Variants in SCAMP1 observed in about 807,000 individuals in gnomAD.
The protein encoded by SCAMP1 is secretory carrier-associated membrane protein 1.
Under a neutral mutation model 41.8 loss-of-function variants are expected in SCAMP1, and 15 were observed. The ratio of observed to expected loss-of-function variants is 0.36; its 90% CI spans 0.24 to 0.55. SCAMP1 has a LOEUF of 0.55. Ranked by LOEUF, SCAMP1 falls within the 20% of genes least tolerant of loss-of-function variation. SCAMP1 has a pLI of 0.86. For synonymous variants in SCAMP1, 135 were observed against 136.8 expected (o/e 0.99, Z 0.09); for missense variants, 341 against 412.6 (o/e 0.83, Z 1.50).
rs965169477 is a variant in SCAMP1 at position 78,410,962 on chromosome 5, A to G, written c.136-4558A>G. ...GTCTTCTTTTGACAAGTGTCTGTTC[A>G]TGTCCTTTGCCTGCTTTTTAATGGC... On this transcript the variant is annotated intron_variant, in intron 2 of 8. Transcript: ENST00000621999. Among the ~76,000 whole-genome samples, 3 of 151,994 alleles carry G rather than the reference A, an allele frequency of 2.0e-5. No individual in the cohort carries two copies. In the South Asian group the frequency reaches 6.2e-4, roughly 31 times the overall value.
At chr5:78,473,722 G>C (rs950703342) in intron 8 of SCAMP1, among the ~76,000 whole-genome samples, 4 of 152,108 alleles carry the variant, frequency 2.6e-5, no homozygotes, top group African/African-American at 9.7e-5. Context: ...GTGAGAACAT[G>C]TGATATTTGG....
rs1198491568 is a variant in SCAMP1 at position 78,480,450 on chromosome 5, G to A, written c.*4782G>A. 6.6e-6 allele frequency among the ~76,000 whole-genome samples: 1 copy of A among 152,200 alleles called. No homozygotes were observed. Among genetic ancestry groups the A allele is most frequent in the African/African-American group, 2.4e-5 (1 of 41,436 alleles). On this transcript the variant is annotated 3_prime_UTR_variant, in exon 9 of 9. Coordinates refer to ENST00000621999, the MANE Select transcript of SCAMP1 (RefSeq NM_004866.6). The stretch of plus-strand genomic sequence containing the variant: ...ACAACTTTTAATATTTTGTATGCCA[G>A]TGATTCTCAAGATAAATCATGATTG...
intron 2 of SCAMP1, among the ~76,000 whole-genome samples, chr5:78,401,144 T>C (rs1331920519): frequency 6.6e-6 from 1 of 152,212 alleles, no homozygotes; most frequent in Non-Finnish European, 1.5e-5. Context: ...ATTACATTAA[T>C]TGAATTTTGA....
Position 78,449,788 on chromosome 5 carries a change from G to A in SCAMP1, c.633-145G>A, listed in dbSNP as rs186802659. 140 of 534,756 alleles carry A rather than the reference G, an allele frequency of 2.6e-4. 2 individuals are homozygous for A. The African/African-American group carries it at 2.6e-3, about 10-fold the overall frequency. The allele number at this position is 534,756 out of a possible 1,614,324, so 33.1% of individuals were successfully genotyped here. ...ATGTTGTTAACTTGAGGCCTCAGGTGGTTGCCACTTTTTTTTGTTTGTGCT... is the reference window on the plus strand; with the variant it reads ...ATGTTGTTAACTTGAGGCCTCAGGTAGTTGCCACTTTTTTTTGTTTGTGCT... On this transcript the variant is annotated intron_variant, in intron 6 of 8. Transcript: ENST00000621999.
At chr5:78,388,718 T>G in intron 1 of SCAMP1, 119 bp from the exon 2 acceptor site, 1 of 488,560 alleles carries the variant, frequency 2.0e-6, no homozygotes, top group Non-Finnish European at 3.7e-6. Flanking sequence ...TTCTTTTATT[T>G]TCCTCTGTTA....
At chr5:78,447,099 G>T (rs769693427) in intron 6 of SCAMP1, among the ~76,000 whole-genome samples, 2 of 152,224 alleles carry the variant, frequency 1.3e-5, no homozygotes, top group Non-Finnish European at 2.9e-5. Flanking sequence ...TAGGTTGCAT[G>T]CTCCTTATGA....
At chr5:78,388,047 C>G (rs1475342395) in intron 1 of SCAMP1, among the ~76,000 whole-genome samples, 1 of 152,186 alleles carries the variant, frequency 6.6e-6, no homozygotes, top group Non-Finnish European at 1.5e-5. Flanking sequence ...TCCCAGGAAC[C>G]TGCAGCAGCA....
intron 1 of SCAMP1, among the ~76,000 whole-genome samples, chr5:78,362,734 TC>T (rs1307237552): frequency 6.6e-6 from 1 of 152,132 alleles, no homozygotes; most frequent in African/African-American, 2.4e-5. Flanking sequence ...CACCTGCCCC[TC>T]CTCCTCACAA....
intron 2 of SCAMP1, among the ~76,000 whole-genome samples, chr5:78,404,435 C>G (rs1751879334): frequency 7.1e-6 from 1 of 140,636 alleles, no homozygotes; most frequent in Non-Finnish European, 1.5e-5. Flanking sequence ...GTGTGAGCCA[C>G]TGTGCCCAGC....
At position 78,480,683 on chromosome 5, in the gene SCAMP1, A is replaced by G. The variant is rs1754120377; in HGVS notation, c.*5015A>G. 6.6e-6 allele frequency among the ~76,000 whole-genome samples: 1 copy of G among 152,208 alleles called. No homozygotes were observed. Among genetic ancestry groups the G allele is most frequent in the African/African-American group, 2.4e-5 (1 of 41,452 alleles). On this transcript the variant is annotated 3_prime_UTR_variant, in exon 9 of 9. Coordinates refer to ENST00000621999, the MANE Select transcript of SCAMP1 (RefSeq NM_004866.6). The stretch of plus-strand genomic sequence containing the variant: ...GCAATACATAATGTGTTGTAGAACA[A>G]TTAAAAATTCAGAAAGTGATACATG...
At chr5:78,459,125 T>A in intron 7 of SCAMP1, 120 bp from the exon 8 acceptor site, 1 of 666,350 alleles carries the variant, frequency 1.5e-6, no homozygotes, top group South Asian at 1.7e-5. Context: ...AATGCACTAA[T>A]ACACATAAAG....
intron 3 of SCAMP1, among the ~76,000 whole-genome samples, 186 bp from the exon 4 acceptor site, chr5:78,416,355 A>G (rs990059213): frequency 2.6e-5 from 4 of 152,212 alleles, no homozygotes; most frequent in South Asian, 2.1e-4. Context: ...TCTGGAACCC[A>G]AAGACCAAAT....
chr5:78,422,533 G>A (rs1181307452), intron 6 of SCAMP1, among the ~76,000 whole-genome samples: 2 of 152,008 alleles, frequency 1.3e-5, no homozygotes, highest in East Asian at 3.9e-4. Context: ...CATTTCCTTA[G>A]CGCATGTTCT....
rs114021913 is a variant in SCAMP1 at position 78,449,572 on chromosome 5, C to T, written c.633-361C>T. On this transcript the variant is annotated intron_variant, in intron 6 of 8. Coordinates refer to ENST00000621999, the MANE Select transcript of SCAMP1 (RefSeq NM_004866.6). ...ATAAATATGTCAAAAATTATTAAAG[C>T]GATATTTTAAATATTTGCAATTCAT... Among the ~76,000 whole-genome samples the T allele has an allele frequency of 4.1e-3, 621 of 152,074 alleles. 4 individuals are homozygous for T. Among genetic ancestry groups the T allele is most frequent in the Admixed American group, 0.011 (174 of 15,270 alleles).
At chr5:78,437,544 T>C (rs577296910) in intron 6 of SCAMP1, among the ~76,000 whole-genome samples, 2 of 152,368 alleles carry the variant, frequency 1.3e-5, no homozygotes, top group South Asian at 4.1e-4. Flanking sequence ...GAACCAGCCT[T>C]GCATCCCAGG....
chr5:78,370,349 A>C (rs746236956), intron 1 of SCAMP1, among the ~76,000 whole-genome samples: 1 of 152,206 alleles, frequency 6.6e-6, no homozygotes, highest in Non-Finnish European at 1.5e-5. Context: ...GGTGACATGG[A>C]GTTTGGTTAG....
At chr5:78,379,893 T>G (rs143275000) in intron 1 of SCAMP1, among the ~76,000 whole-genome samples, 2 of 152,374 alleles carry the variant, frequency 1.3e-5, no homozygotes, top group African/African-American at 2.4e-5. Flanking sequence ...GAGTTAATTT[T>G]GTTTTGTAAT....
chr5:78,480,230 A>G lies in SCAMP1; in HGVS notation c.*4562A>G, dbSNP rs968736530. ...ATGGTGTAGCTGAAACCCTCCTAACACTAAAAGCCATTTAATCTTTTCTGT... is the reference window on the plus strand; with the variant it reads ...ATGGTGTAGCTGAAACCCTCCTAACGCTAAAAGCCATTTAATCTTTTCTGT... On this transcript the variant is annotated 3_prime_UTR_variant, in exon 9 of 9. Transcript: ENST00000621999. Among the ~76,000 whole-genome samples the G allele has an allele frequency of 1.3e-5, 2 of 152,110 alleles. No homozygotes were observed. The highest frequency in any genetic ancestry group is 4.8e-5 in the African/African-American group (2 of 41,404).
chr5:78,437,543 T>C (rs1752791252), intron 6 of SCAMP1, among the ~76,000 whole-genome samples: 1 of 152,240 alleles, frequency 6.6e-6, no homozygotes, highest in African/African-American at 2.4e-5. Context: ...TGAACCAGCC[T>C]TGCATCCCAG....
Sources: gnomAD v4.1 joint callset for allele counts (sites outside exome capture counted in the v4.1 genomes callset) on GRCh38, gnomAD v4.1.1 for gene constraint, MANE v1.5 for transcripts, NCBI Gene and HGNC (gene_info 2026-07-23, HGNC 2026-07-21) for gene names.